Variants in CCM2L observed in about 807,000 individuals in gnomAD.
CCM2L encodes CCM2 like scaffold protein, also known as cerebral cavernous malformations 2 protein-like.
In CCM2L, 36 loss-of-function variants were observed where a neutral mutation model predicts 54.1. That is an observed-to-expected ratio of 0.67 (90% CI 0.51 to 0.88). The LOEUF is 0.88. Among genes scored for constraint, CCM2L ranks in the 40% least tolerant of loss-of-function variants. CCM2L has a pLI of 0.00. For missense variants in CCM2L, 700 were observed against 812.1 expected (o/e 0.86, Z 1.68); for synonymous variants, 351 against 359.3 (o/e 0.98, Z 0.26).
At chr20:32,014,423 G>A (rs2064720851) in intron 1 of CCM2L, among the ~76,000 whole-genome samples, 1 of 151,734 alleles carries the variant, frequency 6.6e-6, no homozygotes. Context: ...CTGGCACAAC[G>A]CCTGACAAAT....
intron 9 of CCM2L, among the ~76,000 whole-genome samples, chr20:32,030,302 C>A (rs556933190): frequency 1.3e-5 from 2 of 152,146 alleles, no homozygotes; most frequent in African/African-American, 4.8e-5. Flanking sequence ...ATTAATGGTC[C>A]CCATTTTGCA....
Position 32,013,280 on chromosome 20 carries a change from C to T in CCM2L, c.31-1624C>T, listed in dbSNP as rs535529088. Among the ~76,000 whole-genome samples, 3 of 152,176 alleles carry T rather than the reference C, an allele frequency of 2.0e-5. No homozygotes were observed. In the South Asian group the frequency reaches 6.2e-4, roughly 31 times the overall value. On this transcript the variant is annotated intron_variant, in intron 1 of 9. Coordinates refer to ENST00000452892, the MANE Select transcript of CCM2L (RefSeq NM_001365692.1). ...TGCCACTGCACTTCAATCTGGGCAA[C>T]AGAGCAACATCCTATCTCAAAAAAA...
chr20:32,012,229 T>C (rs965110284), intron 1 of CCM2L, among the ~76,000 whole-genome samples: 1 of 151,984 alleles, frequency 6.6e-6, no homozygotes, highest in African/African-American at 2.4e-5. Flanking sequence ...TTACCCCCAG[T>C]TTCTGGGCCA....
chr20:32,031,091 A>G lies in CCM2L; in HGVS notation c.1493A>G (p.Asp498Gly). Residue 498 changes from aspartate (D) to glycine (G), a missense_variant, in exon 10 of 10, where the codon GAC becomes GGC. Physicochemically the swap from Asp to Gly is moderately conservative, Grantham distance 94. Coordinates refer to ENST00000452892, the MANE Select transcript of CCM2L (RefSeq NM_001365692.1). ...ATCCGCGAGGGCGGCATCCTCACTGACAGCTTCGGCCGCATCAAGCGCAGC... is the reference window on the plus strand; with the variant it reads ...ATCCGCGAGGGCGGCATCCTCACTGGCAGCTTCGGCCGCATCAAGCGCAGC... Reference protein sequence around the residue: ...VGIREGGILTDSFGRIKRSMS... With the variant: ...VGIREGGILTGSFGRIKRSMS... 1 of 1,304,222 alleles carries G rather than the reference A, an allele frequency of 7.7e-7. No homozygotes were observed. Among genetic ancestry groups the G allele is most frequent in the Non-Finnish European group, 1.0e-6 (1 of 988,926 alleles). The allele number at this position is 1,304,222 out of a possible 1,614,324, so 80.8% of individuals were successfully genotyped here.
chr20:32,010,615 C>G (rs2064684928), intron 1 of CCM2L, 131 bp downstream of exon 1: 1 of 845,022 alleles, frequency 1.2e-6, no homozygotes, highest in African/African-American at 1.7e-5. Flanking sequence ...TTGGAAGTAA[C>G]TTCCTTCCCA....
At chr20:32,029,588 T>C in intron 8 of CCM2L, 112 bp from the exon 9 acceptor site, 1 of 1,384,516 alleles carries the variant, frequency 7.2e-7, no homozygotes, top group East Asian at 2.5e-5. Flanking sequence ...TGGGAAGGTT[T>C]TCAGAGGAGA....
At chr20:32,025,381 A>G (rs1167459021) in intron 6 of CCM2L, among the ~76,000 whole-genome samples, 6 of 151,146 alleles carry the variant, frequency 4.0e-5, no homozygotes, top group Non-Finnish European at 8.8e-5. Flanking sequence ...CAGTCCTTCT[A>G]TGTCAGCCTC....
chr20:32,029,795 C>T lies in CCM2L; in HGVS notation c.1359C>T (p.Gly453=), dbSNP rs766134324. ...TGCCCATCCAGGACTATTGCACAGG[C>T]CTGCTGAAGCTCTACGGAGACCGGC... ...LGLPIQDYCT[G]LLKLYGDRRK... Residue 453 remains glycine (G), a synonymous_variant, in exon 9 of 10, where the codon GGC becomes GGT. Coordinates refer to ENST00000452892, the MANE Select transcript of CCM2L (RefSeq NM_001365692.1). 1 of 1,612,374 alleles carries T rather than the reference C, an allele frequency of 6.2e-7. No homozygotes were observed. The highest frequency in any genetic ancestry group is 1.1e-5 in the South Asian group (1 of 90,984).
At chr20:32,015,543 A>T (rs866180701) in intron 2 of CCM2L, among the ~76,000 whole-genome samples, 13 of 152,224 alleles carry the variant, frequency 8.5e-5, no homozygotes, top group African/African-American at 3.1e-4. Flanking sequence ...AAGGATCAAT[A>T]ACAAGGATGG....
intron 9 of CCM2L, 91 bp downstream of exon 9, chr20:32,029,929 C>T: frequency 7.2e-7 from 1 of 1,383,428 alleles, no homozygotes; most frequent in East Asian, 2.7e-5. Flanking sequence ...ATGTTTTCTC[C>T]TTATCTTTCA....
Position 32,010,484 on chromosome 20 carries a change from G to T in CCM2L, c.30G>T (p.Lys10Asn). The change falls in exon 1 of 10, where the codon AAG (lysine) becomes AAT (asparagine). Residue 10 changes from lysine (K) to asparagine (N), a missense_variant and splice_region_variant. By Grantham distance (94) the Lys-to-Asn change is moderately conservative (BLOSUM62 0). Coordinates refer to ENST00000452892, the MANE Select transcript of CCM2L (RefSeq NM_001365692.1). The part of the protein sequence containing the change: MEYEVKKGK[K>N]GFVSPIRRLV... ...AATATGAAGTCAAGAAAGGGAAGAAGGTAGGTGGGAGGTTGGGAGGGACGA... is the reference window on the plus strand; with the variant it reads ...AATATGAAGTCAAGAAAGGGAAGAATGTAGGTGGGAGGTTGGGAGGGACGA... 1 of 1,550,264 alleles carries T rather than the reference G, an allele frequency of 6.5e-7. No homozygotes were observed. Among genetic ancestry groups the T allele is most frequent in the South Asian group, 1.2e-5 (1 of 83,992 alleles).
chr20:32,012,364 A>T (rs768385062), intron 1 of CCM2L, among the ~76,000 whole-genome samples: 3 of 152,060 alleles, frequency 2.0e-5, no homozygotes, highest in Non-Finnish European at 4.4e-5. Context: ...TCAAGACCAG[A>T]CTGGGCAACA....
chr20:32,031,358 G>A lies in CCM2L; in HGVS notation c.*44G>A, dbSNP rs890299211. Reference sequence around the variant, plus strand: ...GCGTGGCTCAGCAGCCCACCTCTGAGTCTCAGCTTTGCTTCGGGGACCCTA... The same window carrying A: ...GCGTGGCTCAGCAGCCCACCTCTGAATCTCAGCTTTGCTTCGGGGACCCTA... On this transcript the variant is annotated 3_prime_UTR_variant, in exon 10 of 10. Coordinates refer to ENST00000452892, the MANE Select transcript of CCM2L (RefSeq NM_001365692.1). 4 of 1,229,236 alleles carry A rather than the reference G, an allele frequency of 3.3e-6. No individual in the cohort carries two copies. The highest frequency in any genetic ancestry group is 3.1e-6 in the Non-Finnish European group (3 of 961,538). The allele number at this position is 1,229,236 out of a possible 1,614,324, so 76.1% of individuals were successfully genotyped here.
chr20:32,015,068 C>T lies in CCM2L; in HGVS notation c.195C>T (p.Val65=), dbSNP rs2064730346. The T allele has an allele frequency of 6.6e-7, 1 of 1,511,360 alleles. No homozygotes were observed. The highest frequency in any genetic ancestry group is 1.4e-5 in the African/African-American group (1 of 69,636). The allele number at this position is 1,511,360 out of a possible 1,614,324, so 93.6% of individuals were successfully genotyped here. The stretch of plus-strand genomic sequence containing the variant: ...TGTGTGACTACCTGGAGAAAGAGGT[C>T]AAGGTGCGTGCAGGATGAGAAGGGG... The part of the protein sequence containing the change: ...ILLCDYLEKE[V]KFLGHLTWVT... Residue 65 remains valine, a synonymous_variant, in exon 2 of 10, where the codon GTC becomes GTT. Transcript: ENST00000452892.
At chr20:32,020,860 T>C (rs1174151242) in intron 5 of CCM2L, among the ~76,000 whole-genome samples, 1 of 152,058 alleles carries the variant, frequency 6.6e-6, no homozygotes, top group Non-Finnish European at 1.5e-5. Context: ...GGCGGGTGCC[T>C]GTAATCTCAG....
rs774390690 is a variant in CCM2L at position 32,019,418 on chromosome 20, G to T, written c.933+9G>T. On this transcript the variant is annotated intron_variant, in intron 5 of 9. Transcript: ENST00000452892. ...TGGCTGTAGCCAACAGGGTGAGCCC[G>T]AGGGCAGCCTGCTCCCAAAGCCCGG... The T allele has an allele frequency of 6.7e-7, 1 of 1,501,238 alleles. No individual in the cohort carries two copies. The highest frequency in any genetic ancestry group is 2.8e-5 in the East Asian group (1 of 36,008). 93.0% of individuals were successfully genotyped at this position (1,501,238 alleles called of 1,614,324 possible). A position where few individuals can be genotyped will look rare whatever the true frequency, so the allele number is the denominator to read the frequency against.
intron 5 of CCM2L, 132 bp from the exon 6 acceptor site, chr20:32,022,528 T>A: frequency 3.9e-6 from 4 of 1,024,738 alleles, no homozygotes; most frequent in Non-Finnish European, 5.5e-6. Flanking sequence ...ATGGAAAAAT[T>A]CTTGAAAGCC....
At position 32,031,145 on chromosome 20, in the gene CCM2L, G is replaced by GCAGCTAC; in HGVS notation, c.1548_1554dup (p.Asp519GlnfsTer20). ...AGCTCCACGTCGGCCTCCGCAGTGC[G>GCAGCTAC]CAGCTACGATGGCGCGGCGCAGCGG... On this transcript the variant is annotated frameshift_variant, in exon 10 of 10. Transcript: ENST00000452892. LOFTEE classifies it high-confidence loss of function. The GCAGCTAC allele has an allele frequency of 1.5e-6, 2 of 1,303,640 alleles. No homozygotes were observed. The highest frequency in any genetic ancestry group is 3.0e-5 in the African/African-American group (2 of 66,002). 80.8% of individuals were successfully genotyped at this position (1,303,640 alleles called of 1,614,324 possible).
chr20:32,015,855 ACTT>A lies in CCM2L; in HGVS notation c.198+788_198+790del, dbSNP rs1397459206. Among the ~76,000 whole-genome samples, 21 of 97,874 alleles carry A rather than the reference ACTT, an allele frequency of 2.1e-4. No homozygotes were observed. In the South Asian group the frequency reaches 5.5e-3, roughly 26 times the overall value. The allele number at this position is 97,874 out of a possible 152,430, so 64.2% of individuals were successfully genotyped here. On this transcript the variant is annotated intron_variant, in intron 2 of 9. Coordinates refer to ENST00000452892, the MANE Select transcript of CCM2L (RefSeq NM_001365692.1). ...AGGACTTCCACCACTTAGGAGCTGTACTTCTTTTTTTTTTTTTTTGAGACAGAG... is the reference window on the plus strand; with the variant it reads ...AGGACTTCCACCACTTAGGAGCTGTACTTTTTTTTTTTTTTTGAGACAGAG...
Sources: gnomAD v4.1 joint callset for allele counts (sites outside exome capture counted in the v4.1 genomes callset) on GRCh38, gnomAD v4.1.1 for gene constraint, MANE v1.5 for transcripts, NCBI Gene and HGNC (gene_info 2026-07-23, HGNC 2026-07-21) for gene names.